The following PRDM6 variants were observed in gnomAD, a reference collection of about 807,000 sequenced individuals.
The protein encoded by PRDM6 is PR/SET domain 6.
In PRDM6, 25 loss-of-function variants were observed where a neutral mutation model predicts 60.8. That is an observed-to-expected ratio of 0.41 (90% CI 0.30 to 0.57). The LOEUF is 0.57. Ranked by LOEUF, PRDM6 falls within the 20% of genes least tolerant of loss-of-function variation. The pLI, the probability that PRDM6 is intolerant of heterozygous loss-of-function variation, is 0.27. For missense variants in PRDM6, 839 were observed against 821.3 expected, an observed-to-expected ratio of 1.02 and a Z score of -0.26; for synonymous variants, 407 against 357.4, an observed-to-expected ratio of 1.14 and a Z score of -1.57.
At chr5:123,108,950 A>G (rs335146) in intron 3 of PRDM6, among the ~76,000 whole-genome samples, 24,957 of 152,104 alleles carry the variant, frequency 0.16, 2,239 homozygotes, top group Non-Finnish European at 0.21. Flanking sequence ...TGGCTCACCC[A>G]TGAATAGATT....
At position 123,189,986 on chromosome 5, in the gene PRDM6, T is replaced by C. The variant is rs1766375467; in HGVS notation, c.*2785T>C. ...ACACAGTCCCCTGGGATACAGCAAA[T>C]GGGTGGTAGAAATTGCAGTCGTAAA... On this transcript the variant is annotated 3_prime_UTR_variant, in exon 8 of 8. Transcript: ENST00000407847. The C allele has an allele frequency of 6.6e-6, 1 of 152,212 alleles. No homozygotes were observed. Among genetic ancestry groups the C allele is most frequent in the Non-Finnish European group, 1.5e-5 (1 of 68,030 alleles). 9.4% of individuals were successfully genotyped at this position (152,212 alleles called of 1,614,324 possible).
intron 5 of PRDM6, among the ~76,000 whole-genome samples, chr5:123,169,473 C>T (rs1744929509): frequency 6.6e-6 from 1 of 152,164 alleles, no homozygotes; most frequent in Non-Finnish European, 1.5e-5. Context: ...ATGGTAGTTG[C>T]TGTTCATGAT....
At chr5:123,114,626 T>C (rs1228334056) in intron 3 of PRDM6, among the ~76,000 whole-genome samples, 1 of 152,222 alleles carries the variant, frequency 6.6e-6, no homozygotes, top group Non-Finnish European at 1.5e-5. Context: ...TCCTTCATTT[T>C]TGTATGCTAA....
rs1385315316 is a variant in PRDM6 at position 123,090,036 on chromosome 5, G to A, written c.22G>A (p.Gly8Ser). Residue 8 changes from glycine (G) to serine (S), a missense_variant, in exon 2 of 8, where the codon GGC (glycine) becomes AGC (serine). Transcript: ENST00000407847. ...GGACATGCTGAAGCCCGGAGACCCC[G>A]GCGGTTCGGCCTTCCTCAAAGTGGA... MLKPGDP[G>S]GSAFLKVDPA... 1 of 1,547,938 alleles carries A rather than the reference G, an allele frequency of 6.5e-7. No individual in the cohort carries two copies. The highest frequency in any genetic ancestry group is 1.2e-5 in the South Asian group (1 of 84,022).
At chr5:123,164,895 G>A (rs1765720501) in intron 5 of PRDM6, among the ~76,000 whole-genome samples, 1 of 152,060 alleles carries the variant, frequency 6.6e-6, no homozygotes. Context: ...TCCCACAGTA[G>A]CCCATGACCA....
chr5:123,119,654 A>G (rs1320825877), intron 3 of PRDM6, among the ~76,000 whole-genome samples: 2 of 152,220 alleles, frequency 1.3e-5, no homozygotes, highest in East Asian at 1.9e-4. Context: ...GCCTCACAAG[A>G]CATGCTTCAG....
chr5:123,091,461 C>A (rs922949496), intron 2 of PRDM6, among the ~76,000 whole-genome samples: 3 of 152,242 alleles, frequency 2.0e-5, no homozygotes, highest in African/African-American at 4.8e-5. Flanking sequence ...AACTAAACAT[C>A]AGAATTCCTG....
At position 123,190,938 on chromosome 5, in the gene PRDM6, C is replaced by G. The variant is rs998869171; in HGVS notation, c.*3737C>G. 1 of 152,168 alleles carries G rather than the reference C, an allele frequency of 6.6e-6. No individual in the cohort carries two copies. Among genetic ancestry groups the G allele is most frequent in the African/African-American group, 2.4e-5 (1 of 41,436 alleles). 9.4% of individuals were successfully genotyped at this position (152,168 alleles called of 1,614,324 possible). On this transcript the variant is annotated 3_prime_UTR_variant, in exon 8 of 8. Transcript: ENST00000407847. ...AAGATTTTGTTCCAACTGGGAAAAT[C>G]TGAGAGAGGTAAATTCATCTGGGGA...
chr5:123,132,690 G>A (rs1764859259), intron 3 of PRDM6, among the ~76,000 whole-genome samples: 1 of 151,756 alleles, frequency 6.6e-6, no homozygotes, highest in Admixed American at 6.6e-5. Context: ...TCATAGAATT[G>A]TAGTTGTGCA....
In PRDM6 at chr5:123,192,364, G is replaced by C. The variant is rs1318218216; in HGVS notation, c.*5163G>C. 3 of 152,048 alleles carry C rather than the reference G, an allele frequency of 2.0e-5. No individual in the cohort carries two copies. Among genetic ancestry groups the C allele is most frequent in the South Asian group, 2.1e-4 (1 of 4,818 alleles). The allele number at this position is 152,048 out of a possible 1,614,324, so 9.4% of individuals were successfully genotyped here. On this transcript the variant is annotated 3_prime_UTR_variant, in exon 8 of 8. Coordinates refer to ENST00000407847, the MANE Select transcript of PRDM6 (RefSeq NM_001136239.4). ...CCATAAACAGGCAATTGTTAAAAGAGGAAAATACTTCTCTATGTAAAGCTT... is the reference window on the plus strand; with the variant it reads ...CCATAAACAGGCAATTGTTAAAAGACGAAAATACTTCTCTATGTAAAGCTT...
In PRDM6 at chr5:123,125,133, A is replaced by G. The variant is rs1445366945; in HGVS notation, c.900+25172A>G. On this transcript the variant is annotated intron_variant, in intron 3 of 7. Transcript: ENST00000407847. ...CCTAGTACCTTGCTCAATTTGTATA[A>G]TTACATACCGCACCCCCTCCCCCCC... is the stretch of plus-strand genomic sequence containing the variant. Among the ~76,000 whole-genome samples, 5 of 91,120 alleles carry G rather than the reference A, an allele frequency of 5.5e-5. No individual in the cohort carries two copies. In the South Asian group the frequency reaches 1.8e-3, roughly 32 times the overall value. 59.8% of individuals were successfully genotyped at this position (91,120 alleles called of 152,430 possible).
chr5:123,123,317 T>C (rs1248105533), intron 3 of PRDM6, among the ~76,000 whole-genome samples: 1 of 152,246 alleles, frequency 6.6e-6, no homozygotes, highest in African/African-American at 2.4e-5. Context: ...CTTTTGACTC[T>C]TGAGTGTTTG....
chr5:123,162,543 C>G (rs1461686459), intron 5 of PRDM6, among the ~76,000 whole-genome samples: 4 of 152,150 alleles, frequency 2.6e-5, no homozygotes, highest in Non-Finnish European at 5.9e-5. Context: ...ATTTGCAAAG[C>G]TACAACAGCT....
At chr5:123,101,117 A>G (rs1179897495) in intron 3 of PRDM6, among the ~76,000 whole-genome samples, 1 of 152,208 alleles carries the variant, frequency 6.6e-6, no homozygotes, top group Admixed American at 6.5e-5. Flanking sequence ...GAGCTGCCTT[A>G]TATTCACTAA....
chr5:123,096,071 C>T (rs1352275801), intron 2 of PRDM6, among the ~76,000 whole-genome samples: 1 of 152,190 alleles, frequency 6.6e-6, no homozygotes, highest in Non-Finnish European at 1.5e-5. Flanking sequence ...AACCTAATGA[C>T]AGCACCTTCC....
chr5:123,123,217 T>A (rs1028934131), intron 3 of PRDM6, among the ~76,000 whole-genome samples: 1 of 152,240 alleles, frequency 6.6e-6, no homozygotes, highest in African/African-American at 2.4e-5. Flanking sequence ...CATTTGTATA[T>A]CTTTTCCTCT....
At chr5:123,172,259 C>A (rs1252607381) in intron 6 of PRDM6, among the ~76,000 whole-genome samples, 1 of 151,996 alleles carries the variant, frequency 6.6e-6, no homozygotes, top group Non-Finnish European at 1.5e-5. Flanking sequence ...TAATAATAAT[C>A]AATTACAGGA....
intron 3 of PRDM6, among the ~76,000 whole-genome samples, chr5:123,119,836 C>T (rs906099686): frequency 1.3e-5 from 2 of 152,190 alleles, no homozygotes; most frequent in Non-Finnish European, 2.9e-5. Flanking sequence ...TTCAAACAGT[C>T]AAGCTAAGTA....
chr5:123,167,550 C>T (rs979312190), intron 5 of PRDM6, among the ~76,000 whole-genome samples: 3 of 152,108 alleles, frequency 2.0e-5, no homozygotes, highest in African/African-American at 4.8e-5. Flanking sequence ...CCACCACGCC[C>T]AGCTAATTTT....
Sources: gnomAD v4.1 joint callset for allele counts (sites outside exome capture counted in the v4.1 genomes callset) on GRCh38, gnomAD v4.1.1 for gene constraint, MANE v1.5 for transcripts, NCBI Gene and HGNC (gene_info 2026-07-23, HGNC 2026-07-21) for gene names.